SEL1L: variants seen among roughly 807,000 people sequenced by gnomAD.
SEL1L encodes SEL1L adaptor subunit of SYVN1 ubiquitin ligase.
In SEL1L, 52 loss-of-function variants were observed where a neutral mutation model predicts 109.8. That is an observed-to-expected ratio of 0.47 (90% CI 0.38 to 0.60). The LOEUF (loss-of-function observed/expected upper bound fraction) is 0.60. SEL1L is among the 20% of genes least tolerant of loss of function. The pLI, the probability that SEL1L is intolerant of heterozygous loss-of-function variation, is 0.00. For missense variants in SEL1L, 749 were observed against 962.2 expected (o/e 0.78, Z 2.93); for synonymous variants, 373 against 339.6 (o/e 1.10, Z -1.08).
intron 3 of SEL1L, among the ~76,000 whole-genome samples, chr14:81,514,513 G>A (rs1320282630): frequency 2.6e-5 from 4 of 152,222 alleles, no homozygotes; most frequent in Admixed American, 2.0e-4. Flanking sequence ...TTGGGGTCTA[G>A]GAGGACAGAC....
rs546124159 is a variant in SEL1L at position 81,523,132 on chromosome 14, T to C, written c.340+3601A>G. Reference sequence around the variant, plus strand: ...TGTCTTCTGTATGATAATGAGAAAATTGGTGGCTGGAGGTTCCTAGAGAGC... The same window carrying C: ...TGTCTTCTGTATGATAATGAGAAAACTGGTGGCTGGAGGTTCCTAGAGAGC... On this transcript the variant is annotated intron_variant, in intron 3 of 20. Coordinates refer to ENST00000336735, the MANE Select transcript of SEL1L (RefSeq NM_005065.6). 1.6e-4 allele frequency among the ~76,000 whole-genome samples: 24 copies of C among 152,092 alleles called. 1 individual carries two copies. The highest frequency in any genetic ancestry group is 4.1e-4 in the African/African-American group (17 of 41,394).
chr14:81,486,760 T>G (rs1903533103), intron 16 of SEL1L, among the ~76,000 whole-genome samples: 1 of 152,080 alleles, frequency 6.6e-6, no homozygotes, highest in African/African-American at 2.4e-5. Flanking sequence ...CCCATGAGAT[T>G]CATGAGGAAC....
At chr14:81,523,420 A>G (rs1293610799) in intron 3 of SEL1L, among the ~76,000 whole-genome samples, 1 of 152,152 alleles carries the variant, frequency 6.6e-6, no homozygotes, top group African/African-American at 2.4e-5. Flanking sequence ...CAGAGTGGGC[A>G]TGGAAGCTCT....
intron 1 of SEL1L, among the ~76,000 whole-genome samples, chr14:81,528,433 C>A (rs1353393839): frequency 6.6e-6 from 1 of 152,160 alleles, no homozygotes; most frequent in Non-Finnish European, 1.5e-5. Context: ...CACATTCACA[C>A]AGCCTGCTTT....
chr14:81,485,732 C>A lies in SEL1L; in HGVS notation c.1813G>T (p.Val605Leu). The A allele has an allele frequency of 6.2e-7, 1 of 1,613,980 alleles. No homozygotes were observed. Among genetic ancestry groups the A allele is most frequent in the Non-Finnish European group, 8.5e-7 (1 of 1,179,892 alleles). Reference sequence around the variant, plus strand: ...CTGGGATAAGTTTCATTCTCACCTACAATGCTTGCTTCTCCTACAGGAAAA... The same window carrying A: ...CTGGGATAAGTTTCATTCTCACCTAAAATGCTTGCTTCTCCTACAGGAAAA... ...FILDQREASI[V>L]GENETYPRAL... Residue 605 changes from valine (V) to leucine (L), a missense_variant, in exon 18 of 21, where the codon GTA becomes TTA. Physicochemically the swap from Val to Leu is conservative, Grantham distance 32. Transcript: ENST00000336735.
chr14:81,499,169 C>G, intron 8 of SEL1L: 1 of 1,131,484 alleles, frequency 8.8e-7, no homozygotes, highest in Non-Finnish European at 1.1e-6. Context: ...ATGATTCTGA[C>G]AATTCCAACT....
At chr14:81,532,673 C>G (rs535137808) in intron 1 of SEL1L, among the ~76,000 whole-genome samples, 5 of 152,096 alleles carry the variant, frequency 3.3e-5, no homozygotes, top group African/African-American at 9.6e-5. Flanking sequence ...ACAACTAGGA[C>G]AGGTAATTTG....
intron 8 of SEL1L, 42 bp from the exon 9 acceptor site, chr14:81,498,536 C>G: frequency 7.0e-7 from 1 of 1,419,066 alleles, no homozygotes; most frequent in Non-Finnish European, 9.9e-7. Flanking sequence ...GTTTCATGTA[C>G]TTCAGTGTCA....
chr14:81,526,007 G>A (rs1467321473), intron 3 of SEL1L, among the ~76,000 whole-genome samples: 1 of 151,894 alleles, frequency 6.6e-6, no homozygotes, highest in Non-Finnish European at 1.5e-5. Flanking sequence ...TGGTATATTT[G>A]TAGTAAAAAA....
In SEL1L at chr14:81,516,413, C is replaced by G. The variant is rs139031281; in HGVS notation, c.341-10172G>C. On this transcript the variant is annotated intron_variant, in intron 3 of 20. Coordinates refer to ENST00000336735, the MANE Select transcript of SEL1L (RefSeq NM_005065.6). Reference sequence around the variant, plus strand: ...TGGGAGACTTTGCTCTTTTCACATGCCTTTGTTATGCCTGGAAGTCCCAGG... The same window carrying G: ...TGGGAGACTTTGCTCTTTTCACATGGCTTTGTTATGCCTGGAAGTCCCAGG... Among the ~76,000 whole-genome samples the G allele has an allele frequency of 2.2e-3, 330 of 152,304 alleles. 2 individuals are homozygous for G. The Middle Eastern group carries it at 0.037, about 17-fold the overall frequency.
chr14:81,528,198 T>C (rs1301430628), intron 1 of SEL1L, among the ~76,000 whole-genome samples: 1 of 152,188 alleles, frequency 6.6e-6, no homozygotes, highest in Non-Finnish European at 1.5e-5. Flanking sequence ...AGTATTTGTA[T>C]TGTTTACTAC....
chr14:81,489,441 A>G, intron 13 of SEL1L, 127 bp from the exon 14 acceptor site: 1 of 748,680 alleles, frequency 1.3e-6, no homozygotes, highest in Admixed American at 2.8e-5. Flanking sequence ...TTTCAATTCA[A>G]AACAAAACTT....
At position 81,479,710 on chromosome 14, in the gene SEL1L, T is replaced by C; in HGVS notation, c.2077A>G (p.Met693Val). Residue 693 changes from methionine to valine, a missense_variant, in exon 20 of 21, where the codon ATG becomes GTG. Around this residue, in one of 2 missense-constraint regions of SEL1L, gnomAD observed 383 missense variants for 562.5 expected, o/e 0.68. Coordinates refer to ENST00000336735, the MANE Select transcript of SEL1L (RefSeq NM_005065.6). The part of the protein sequence containing the change: ...DIHLAKRFYD[M>V]AAEASPDAQV... ...GCATCTGGGCTGGCTTCAGCTGCCA[T>C]GTCATAAAAACGTTTCGCAAGGTGA... The C allele has an allele frequency of 6.2e-7, 1 of 1,613,758 alleles. No homozygotes were observed.
chr14:81,494,988 G>A, intron 11 of SEL1L, 93 bp downstream of exon 11: 1 of 1,236,356 alleles, frequency 8.1e-7, no homozygotes, highest in Non-Finnish European at 1.2e-6. Flanking sequence ...AATGACAGAA[G>A]TTTGATACTG....
Position 81,486,176 on chromosome 14 carries a change from G to C in SEL1L, c.1798+113C>G. 2.8e-6 allele frequency: 3 copies of C among 1,060,998 alleles called. No homozygotes were observed. The Admixed American group carries it at 7.0e-5, about 25-fold the overall frequency. The allele number at this position is 1,060,998 out of a possible 1,614,324, so 65.7% of individuals were successfully genotyped here. A position where few individuals can be genotyped will look rare whatever the true frequency, so the allele number is the denominator to read the frequency against. On this transcript the variant is annotated intron_variant, in intron 17 of 20. Coordinates refer to ENST00000336735, the MANE Select transcript of SEL1L (RefSeq NM_005065.6). ...ACTTAAGCCTGTGTGTTCAGTTCCA[G>C]TTACAATAATAAAGAATGTTTCCTA... is the stretch of plus-strand genomic sequence containing the variant.
At chr14:81,522,310 T>C (rs1884942493) in intron 3 of SEL1L, among the ~76,000 whole-genome samples, 2 of 152,328 alleles carry the variant, frequency 1.3e-5, no homozygotes, top group Non-Finnish European at 2.9e-5. Flanking sequence ...CACTCAGCAC[T>C]AACCACTCAC....
At chr14:81,531,487 T>C (rs1281784958) in intron 1 of SEL1L, among the ~76,000 whole-genome samples, 1 of 152,228 alleles carries the variant, frequency 6.6e-6, no homozygotes, top group Admixed American at 6.5e-5. Context: ...GCCGAAACCC[T>C]GTGAATGAAA....
chr14:81,486,140 AAATATT>A, intron 17 of SEL1L, 143 bp downstream of exon 17: 1 of 796,566 alleles, frequency 1.3e-6, no homozygotes, highest in Non-Finnish European at 2.0e-6. Context: ...GGCTAAAGTA[AAATATT>A]AATAACTTAA....
At position 81,486,369 on chromosome 14, in the gene SEL1L, G is replaced by A; in HGVS notation, c.1718C>T (p.Ala573Val). The A allele has an allele frequency of 1.2e-6, 2 of 1,614,108 alleles. No homozygotes were observed. The highest frequency in any genetic ancestry group is 1.7e-6 in the Non-Finnish European group (2 of 1,179,994). ...YNSYKDGDYN[A>V]AVIQYLLLAE... ...CAGGAGGAGGTACTGGATCACTGCA[G>A]CATTGTAATCGCCATCTTTATAGCT... Residue 573 changes from alanine to valine, a missense_variant, in exon 17 of 21, where the codon GCT becomes GTT. Physicochemically the swap from Ala to Val is moderately conservative, Grantham distance 64 (BLOSUM62 0). Around this residue, in one of 2 missense-constraint regions of SEL1L, gnomAD observed 383 missense variants for 562.5 expected, o/e 0.68. Coordinates refer to ENST00000336735, the MANE Select transcript of SEL1L (RefSeq NM_005065.6).
Sources: allele counts gnomAD v4.1 joint callset (sites outside exome capture counted in the v4.1 genomes callset), GRCh38; gene constraint gnomAD v4.1.1; regional missense constraint gnomAD v4.1.1; transcripts MANE v1.5; gene names NCBI Gene and HGNC (gene_info 2026-07-23, HGNC 2026-07-21).